Variants in SMG1 observed in about 807,000 individuals in gnomAD.
SMG1 encodes SMG1 nonsense mediated mRNA decay associated PI3K related kinase.
SMG1 carries 22 observed loss-of-function variants against 419.9 expected under a neutral mutation model. The ratio of observed to expected loss-of-function variants is 0.05; its 90% CI spans 0.04 to 0.07. The LOEUF is 0.07. Ranked by LOEUF, SMG1 falls within the 10% of genes least tolerant of loss-of-function variation. The pLI, the probability that SMG1 is intolerant of heterozygous loss-of-function variation, is 1.00. For synonymous variants in SMG1, 1,538 were observed against 1,553.5 expected (o/e 0.99, Z 0.23); for missense variants, 3,185 against 4,342.0 (o/e 0.73, Z 7.49).
chr16:18,842,617 A>C (rs549724468), intron 39 of SMG1, among the ~76,000 whole-genome samples, 163 bp from the exon 40 acceptor site: 1 of 152,220 alleles, frequency 6.6e-6, no homozygotes, highest in South Asian at 2.1e-4. Context: ...TTGAGTTCAG[A>C]AGTTCAAGAC....
rs2035907767 is a variant in SMG1, at chr16:18,873,006, T to C, written c.1891-382A>G. On this transcript the variant is annotated intron_variant, in intron 13 of 62. Coordinates refer to ENST00000446231, the MANE Select transcript of SMG1 (RefSeq NM_015092.5). ...CCATCTCTACTAAAATTACAAAAAT[T>C]AGCTGGGCATGGTGGCATACACTTG... Among the ~76,000 whole-genome samples, 3 of 151,848 alleles carry C rather than the reference T, an allele frequency of 2.0e-5. No homozygotes were observed. In the South Asian group the frequency reaches 6.2e-4, roughly 32 times the overall value.
intron 1 of SMG1, among the ~76,000 whole-genome samples, chr16:18,907,273 T>G (rs1323329039): frequency 6.7e-6 from 1 of 150,000 alleles, no homozygotes; most frequent in East Asian, 2.0e-4. Context: ...CGAGAGAAAC[T>G]CCATCTCAAA....
intron 3 of SMG1, among the ~76,000 whole-genome samples, chr16:18,894,413 C>G (rs1272337176): frequency 3.9e-5 from 6 of 152,080 alleles, no homozygotes; most frequent in African/African-American, 1.2e-4. Flanking sequence ...GCTCTACTTA[C>G]AATTCTGTCA....
At chr16:18,851,963 A>G in intron 33 of SMG1, 104 bp downstream of exon 33, 3 of 1,203,492 alleles carry the variant, frequency 2.5e-6, no homozygotes, top group Non-Finnish European at 3.4e-6. Flanking sequence ...TACAACAACA[A>G]TTGGTAAGCC....
At chr16:18,809,711 A>C in intron 62 of SMG1, 65 bp from the exon 63 acceptor site, 1 of 1,303,294 alleles carries the variant, frequency 7.7e-7, no homozygotes. Flanking sequence ...GCTGAATTAC[A>C]ATCAGCAGAC....
At chr16:18,877,386 C>T (rs990648811) in intron 11 of SMG1, 154 bp from the exon 12 acceptor site, 17 of 495,710 alleles carry the variant, frequency 3.4e-5, no homozygotes, top group Non-Finnish European at 5.4e-5. Flanking sequence ...GGCAAAACGA[C>T]GGAGACAGTA....
intron 62 of SMG1, 60 bp from the exon 63 acceptor site, chr16:18,809,706 A>G (rs1360108078): frequency 2.3e-6 from 3 of 1,322,290 alleles, no homozygotes; most frequent in South Asian, 2.5e-5. Flanking sequence ...TGTCTGCTGA[A>G]TTACAATCAG....
At chr16:18,897,017 T>A in intron 1 of SMG1, 61 bp from the exon 2 acceptor site, 3 of 1,233,036 alleles carry the variant, frequency 2.4e-6, no homozygotes, top group South Asian at 2.9e-5. Flanking sequence ...TATTTCTTTA[T>A]ACAAGCCTCT....
chr16:18,827,607 A>T (rs1397634801), intron 55 of SMG1, among the ~76,000 whole-genome samples: 1 of 144,266 alleles, frequency 6.9e-6, no homozygotes, highest in East Asian at 2.0e-4. Flanking sequence ...ATTTGGTATA[A>T]ATATACCAAA....
At chr16:18,851,587 G>C (rs1366559488) in intron 33 of SMG1, among the ~76,000 whole-genome samples, 1 of 152,150 alleles carries the variant, frequency 6.6e-6, no homozygotes, top group African/African-American at 2.4e-5. Context: ...TTTTGAGACA[G>C]TCTCACTCTG....
At chr16:18,864,413 GT>G (rs1200173563) in intron 23 of SMG1, among the ~76,000 whole-genome samples, 1 of 152,010 alleles carries the variant, frequency 6.6e-6, no homozygotes, top group Admixed American at 6.6e-5. Context: ...GGCCAGGCTG[GT>G]CTTGAACTCT....
intron 4 of SMG1, among the ~76,000 whole-genome samples, chr16:18,891,512 T>G (rs1277010564): frequency 6.6e-6 from 1 of 151,930 alleles, no homozygotes; most frequent in Non-Finnish European, 1.5e-5. Context: ...CTCAGCTCAC[T>G]GCAACCTCCG....
chr16:18,817,403 T>C lies in SMG1; in HGVS notation c.9962A>G (p.Asn3321Ser). The change falls in exon 57 of 63, where the codon AAC becomes AGC. Residue 3321 changes from asparagine to serine, a missense_variant. Physicochemically the swap from Asn to Ser is conservative, Grantham distance 46 (BLOSUM62 1). Around this residue, in one of 27 missense-constraint regions of SMG1, gnomAD observed 737 missense variants for 846.6 expected, o/e 0.87. Transcript: ENST00000446231. ...SLRTRTAEAL[N>S]LDAALFELIK... ...TAGTTCAAATAACGCCGCATCCAGG[T>C]TTAAGGCTTCTGCAGTTCTTGTTCG... 6.2e-7 allele frequency: 1 copy of C among 1,605,594 alleles called. No individual in the cohort carries two copies. The highest frequency in any genetic ancestry group is 8.5e-7 in the Non-Finnish European group (1 of 1,175,564).
In SMG1 at chr16:18,896,817, C is replaced by T. The variant is rs762928481; in HGVS notation, c.232G>A (p.Ala78Thr). The T allele has an allele frequency of 1.9e-6, 3 of 1,608,218 alleles. No individual in the cohort carries two copies. Among genetic ancestry groups the T allele is most frequent in the Admixed American group, 1.7e-5 (1 of 59,736 alleles). Reference protein sequence around the residue: ...RQRHDDTRVHADIQNDEKGGY... With the variant: ...RQRHDDTRVHTDIQNDEKGGY... ...CCCTTTTCGTCATTCTGTATGTCAGCGTGGACTCTGGTATCATCGTGCCTT... is the reference window on the plus strand; with the variant it reads ...CCCTTTTCGTCATTCTGTATGTCAGTGTGGACTCTGGTATCATCGTGCCTT... The change falls in exon 2 of 63, where the codon GCT becomes ACT. Residue 78 changes from alanine (A) to threonine (T), a missense_variant. Transcript: ENST00000446231.
chr16:18,815,020 C>T lies in SMG1; in HGVS notation c.10621+155G>A, dbSNP rs542492827. Among the ~76,000 whole-genome samples the T allele has an allele frequency of 4.6e-5, 7 of 151,714 alleles. No individual in the cohort carries two copies. The East Asian group carries it at 9.7e-4, about 21-fold the overall frequency. On this transcript the variant is annotated intron_variant, in intron 60 of 62. Coordinates refer to ENST00000446231, the MANE Select transcript of SMG1 (RefSeq NM_015092.5). ...GGTGTGAGCCATCGTGCCTGGCTTA[C>T]GAGTATTTTTAAGGATAAGCTAAAA...
In SMG1 at chr16:18,926,177, G is replaced by GAGC. The variant is rs2038401997; in HGVS notation, c.-137_-136insGCT. 1 of 725,120 alleles carries GAGC rather than the reference G, an allele frequency of 1.4e-6. No homozygotes were observed. The highest frequency in any genetic ancestry group is 1.9e-5 in the African/African-American group (1 of 52,138). The allele number at this position is 725,120 out of a possible 1,614,324, so 44.9% of individuals were successfully genotyped here. On this transcript the variant is annotated 5_prime_UTR_variant, in exon 1 of 63. Coordinates refer to ENST00000446231, the MANE Select transcript of SMG1 (RefSeq NM_015092.5). Reference sequence around the variant, plus strand: ...CGAGAAGGAGGAGGAGGAGGAGGAGGAGGAGAAGGAGGAGGCGGCGGAGGG... The same window carrying GAGC: ...CGAGAAGGAGGAGGAGGAGGAGGAGGAGCAGGAGAAGGAGGAGGCGGCGGAGGG...
intron 56 of SMG1, 43 bp downstream of exon 56, chr16:18,819,459 C>G: frequency 5.7e-6 from 9 of 1,590,698 alleles, no homozygotes; most frequent in Non-Finnish European, 7.7e-6. Flanking sequence ...TCATCTAATC[C>G]TGTAAAAGTG....
intron 35 of SMG1, among the ~76,000 whole-genome samples, 188 bp downstream of exon 35, chr16:18,849,761 T>C (rs962535676): frequency 4.6e-5 from 7 of 152,218 alleles, no homozygotes; most frequent in Non-Finnish European, 8.8e-5. Flanking sequence ...GCCTTTCAGC[T>C]TCCCATTTCT....
At chr16:18,821,076 A>C (rs1209455323) in intron 55 of SMG1, among the ~76,000 whole-genome samples, 1 of 152,174 alleles carries the variant, frequency 6.6e-6, no homozygotes, top group African/African-American at 2.4e-5. Flanking sequence ...GTTAGCTACT[A>C]CTAATAAACA....
Sources: gnomAD v4.1 joint callset for allele counts (sites outside exome capture counted in the v4.1 genomes callset) on GRCh38, gnomAD v4.1.1 for gene constraint, gnomAD v4.1.1 regional missense constraint, MANE v1.5 for transcripts, NCBI Gene and HGNC (gene_info 2026-07-23, HGNC 2026-07-21) for gene names.